MAD1L1: variants seen among roughly 807,000 people sequenced by gnomAD.
MAD1L1 encodes the protein mitotic arrest deficient 1 like 1.
Under a neutral mutation model 96.9 loss-of-function variants are expected in MAD1L1, and 95 were observed. The ratio of observed to expected loss-of-function variants is 0.98; its 90% CI spans 0.83 to 1.16. The LOEUF (loss-of-function observed/expected upper bound fraction) is 1.16, where lower values mean the gene tolerates loss of function less well. Among genes scored for constraint, MAD1L1 ranks in the 50% most tolerant of loss-of-function variants. The pLI is 0.00. For synonymous variants in MAD1L1, 473 were observed against 396.6 expected (o/e 1.19, Z -2.29); for missense variants, 1,007 against 954.4 (o/e 1.06, Z -0.73).
chr7:1,960,434 G>A (rs2128475069), intron 15 of MAD1L1, among the ~76,000 whole-genome samples: 1 of 152,226 alleles, frequency 6.6e-6, no homozygotes, highest in African/African-American at 2.4e-5. Flanking sequence ...TGACAATAAT[G>A]CACTTTAAAT....
intron 12 of MAD1L1, among the ~76,000 whole-genome samples, chr7:2,047,892 A>G (rs1783997510): frequency 6.6e-6 from 1 of 152,230 alleles, no homozygotes; most frequent in South Asian, 2.1e-4. Context: ...CAGTACAGAT[A>G]CATGCACACT....
At chr7:1,897,471 C>G (rs998088366) in intron 18 of MAD1L1, among the ~76,000 whole-genome samples, 2 of 152,214 alleles carry the variant, frequency 1.3e-5, no homozygotes, top group Admixed American at 6.5e-5. Context: ...CCGACGGCAC[C>G]ATCCTCACAA....
At chr7:1,913,276 G>C (rs1788136019) in intron 17 of MAD1L1, among the ~76,000 whole-genome samples, 1 of 151,978 alleles carries the variant, frequency 6.6e-6, no homozygotes. Flanking sequence ...GGAAGGAGAG[G>C]GGCAAGGAGC....
chr7:2,112,290 G>A (rs1271147668), intron 11 of MAD1L1, among the ~76,000 whole-genome samples: 4 of 152,186 alleles, frequency 2.6e-5, no homozygotes, highest in Non-Finnish European at 4.4e-5. Context: ...AAATGAGGCT[G>A]TATAGACAGT....
At chr7:1,816,618 C>A (rs1478527275) in intron 18 of MAD1L1, among the ~76,000 whole-genome samples, 1 of 152,112 alleles carries the variant, frequency 6.6e-6, no homozygotes, top group Non-Finnish European at 1.5e-5. Flanking sequence ...ACGCCTTCCA[C>A]ACTGCCTGGG....
intron 11 of MAD1L1, among the ~76,000 whole-genome samples, chr7:2,129,952 TC>T (rs1319923692): frequency 6.6e-6 from 1 of 152,128 alleles, no homozygotes; most frequent in East Asian, 1.9e-4. Flanking sequence ...CAAAAAGCTG[TC>T]CTTCTGGGGC....
rs536957889 is a variant in MAD1L1, at chr7:2,086,917, G to A, written c.1074-17579C>T. ...GCAGAGAAATCACGTGCAGGAAGAC[G>A]GGAGATGTGGCCAGGAATCCTAAGA... On this transcript the variant is annotated intron_variant, in intron 11 of 18. Coordinates refer to ENST00000265854, the MANE Select transcript of MAD1L1 (RefSeq NM_001013836.2). Among the ~76,000 whole-genome samples the A allele has an allele frequency of 5.3e-5, 8 of 152,300 alleles. No individual in the cohort carries two copies. In the East Asian group the frequency reaches 1.2e-3, roughly 22 times the overall value.
rs546660794 is a variant in MAD1L1 at position 1,953,405 on chromosome 7, G to A, written c.1596+4224C>T. On this transcript the variant is annotated intron_variant, in intron 16 of 18. Transcript: ENST00000265854. ...CCCCACCCAGGCCCCCGCCAGGGAG[G>A]AGCAGGCAGGTGGGGCGGGGAGGGA... is the stretch of plus-strand genomic sequence containing the variant. Among the ~76,000 whole-genome samples, 962 of 152,352 alleles carry A rather than the reference G, an allele frequency of 6.3e-3. 8 individuals are homozygous for A. Among genetic ancestry groups the A allele is most frequent in the Middle Eastern group, 0.031 (9 of 294 alleles).
At chr7:1,825,967 G>T (rs1487166421) in intron 18 of MAD1L1, among the ~76,000 whole-genome samples, 1 of 152,152 alleles carries the variant, frequency 6.6e-6, no homozygotes, top group Non-Finnish European at 1.5e-5. Context: ...CAGCCCCAGG[G>T]TTGGAGGTCG....
intron 15 of MAD1L1, among the ~76,000 whole-genome samples, chr7:1,975,392 C>T (rs955570721): frequency 6.6e-6 from 1 of 152,162 alleles, no homozygotes; most frequent in African/African-American, 2.4e-5. Context: ...AGGTTCTCCA[C>T]GGTGGGCAGC....
chr7:2,132,902 G>C (rs1376636770), intron 11 of MAD1L1, among the ~76,000 whole-genome samples: 1 of 152,184 alleles, frequency 6.6e-6, no homozygotes, highest in Non-Finnish European at 1.5e-5. Flanking sequence ...CATGGGGGTG[G>C]GTCCCTCATG....
At chr7:1,977,277 G>A (rs998100316) in intron 15 of MAD1L1, among the ~76,000 whole-genome samples, 6 of 152,272 alleles carry the variant, frequency 3.9e-5, no homozygotes, top group Non-Finnish European at 8.8e-5. Context: ...GGCGGCTGAG[G>A]CCCAGTGAGA....
intron 11 of MAD1L1, among the ~76,000 whole-genome samples, chr7:2,115,617 G>A (rs942864399): frequency 5.3e-5 from 8 of 152,204 alleles, no homozygotes; most frequent in African/African-American, 9.6e-5. Flanking sequence ...CGTGTTCCCC[G>A]GTCACAGGAG....
At chr7:2,072,359 G>C (rs1785173491) in intron 11 of MAD1L1, among the ~76,000 whole-genome samples, 1 of 152,256 alleles carries the variant, frequency 6.6e-6, no homozygotes, top group African/African-American at 2.4e-5. Flanking sequence ...TATCCCATCA[G>C]CCGCCTCGGA....
chr7:2,141,992 C>T lies in MAD1L1; in HGVS notation c.1073+7160G>A, dbSNP rs80349262. Among the ~76,000 whole-genome samples, 1,474 of 152,336 alleles carry T rather than the reference C, an allele frequency of 9.7e-3. 22 individuals are homozygous for T. The highest frequency in any genetic ancestry group is 0.034 in the African/African-American group (1,406 of 41,580). ...CCGGCCAGCAGGTGGACCGCACAGC[C>T]GTGAGCACAGAATGGGCCTGCTCCC... On this transcript the variant is annotated intron_variant, in intron 11 of 18. Coordinates refer to ENST00000265854, the MANE Select transcript of MAD1L1 (RefSeq NM_001013836.2).
intron 10 of MAD1L1, among the ~76,000 whole-genome samples, chr7:2,199,617 G>A (rs1412283054): frequency 6.6e-6 from 1 of 152,204 alleles, no homozygotes; most frequent in Non-Finnish European, 1.5e-5. Context: ...CCGCGCCCCC[G>A]CAGTGCCCCG....
chr7:1,909,826 G>C lies in MAD1L1; in HGVS notation c.1808-11436C>G, dbSNP rs186272121. 1.3e-3 allele frequency among the ~76,000 whole-genome samples: 193 copies of C among 152,290 alleles called. 2 individuals are homozygous for C. Among genetic ancestry groups the C allele is most frequent in the Middle Eastern group, 0.01 (3 of 294 alleles). Reference sequence around the variant, plus strand: ...ACGGCCCTTGAGACACGGCCTCCATGATGAGCCATGAGTTCCCCTGCTGGG... The same window carrying C: ...ACGGCCCTTGAGACACGGCCTCCATCATGAGCCATGAGTTCCCCTGCTGGG... On this transcript the variant is annotated intron_variant, in intron 17 of 18. Transcript: ENST00000265854.
At chr7:1,945,219 C>T (rs530125125) in intron 16 of MAD1L1, among the ~76,000 whole-genome samples, 65 of 152,378 alleles carry the variant, frequency 4.3e-4, no homozygotes, top group African/African-American at 1.5e-3. Flanking sequence ...TCAGCCTAAA[C>T]ACTCATCTCA....
intron 11 of MAD1L1, among the ~76,000 whole-genome samples, chr7:2,089,621 G>A (rs112192862): frequency 2.0e-5 from 3 of 151,046 alleles, no homozygotes; most frequent in East Asian, 1.9e-4. Flanking sequence ...CACCCATCAC[G>A]TGCATCGTGT....
Sources: allele counts gnomAD v4.1 joint callset (sites outside exome capture counted in the v4.1 genomes callset), GRCh38; gene constraint gnomAD v4.1.1; transcripts MANE v1.5; gene names NCBI Gene and HGNC (gene_info 2026-07-23, HGNC 2026-07-21).